PIAS2: variants seen among roughly 807,000 people sequenced by gnomAD.
PIAS2 encodes the protein E3 SUMO-protein ligase PIAS2.
PIAS2 carries 19 observed loss-of-function variants against 69.7 expected under a neutral mutation model. The observed-to-expected ratio is 0.27, with a 90% CI of 0.19 to 0.40. The LOEUF is 0.40. Ranked by LOEUF, PIAS2 falls within the 10% of genes least tolerant of loss-of-function variation. PIAS2 has a pLI of 1.00. For synonymous variants in PIAS2, 261 were observed against 263.2 expected (o/e 0.99, Z 0.08); for missense variants, 624 against 757.0 (o/e 0.82, Z 2.06).
At chr18:46,887,829 T>A (rs978839174) in intron 2 of PIAS2, among the ~76,000 whole-genome samples, 3 of 152,164 alleles carry the variant, frequency 2.0e-5, no homozygotes, top group Admixed American at 6.5e-5. Flanking sequence ...CAATCTGATT[T>A]CTACACCATA....
intron 9 of PIAS2, among the ~76,000 whole-genome samples, chr18:46,830,260 G>A (rs2043407599): frequency 6.6e-6 from 1 of 151,904 alleles, no homozygotes; most frequent in South Asian, 2.1e-4. Flanking sequence ...CGAGAAAAAA[G>A]GATAATGGGG....
chr18:46,891,651 T>C (rs2054098578), intron 1 of PIAS2: 5 of 958,998 alleles, frequency 5.2e-6, no homozygotes, highest in Non-Finnish European at 6.2e-6. Flanking sequence ...ACATCTTATT[T>C]AGCAGTCAAA....
chr18:46,908,019 A>G (rs1415044871), intron 1 of PIAS2: 2 of 152,154 alleles, frequency 1.3e-5, no homozygotes, highest in Non-Finnish European at 2.9e-5. Flanking sequence ...AGTGCTGGTA[A>G]TGTTCTCTTT....
At chr18:46,901,286 G>A (rs1598998087) in intron 1 of PIAS2, 1 of 379,612 alleles carries the variant, frequency 2.6e-6, no homozygotes, top group Non-Finnish European at 5.3e-6. Context: ...GCACATGCCT[G>A]TACTCCCAGC....
At chr18:46,863,353 G>A (rs996157618) in intron 3 of PIAS2, among the ~76,000 whole-genome samples, 2 of 151,892 alleles carry the variant, frequency 1.3e-5, no homozygotes, top group South Asian at 4.2e-4. Flanking sequence ...ATGGGGTCTC[G>A]CTTTGTTGCC....
Position 46,844,077 on chromosome 18 carries a change from G to A in PIAS2, c.1018C>T (p.Leu340Phe). Reference protein sequence around the residue: ...DPDSEIATTSLRVSLMCPLGK... With the variant: ...DPDSEIATTSFRVSLMCPLGK... ...ACAGGGCACATCAAGGATACCCGAA[G>A]GCTAGTTGTAGCAATTTCACTATCA... is the stretch of plus-strand genomic sequence containing the variant. The change falls in exon 8 of 14, where the codon CTT becomes TTT. Residue 340 changes from leucine (L) to phenylalanine (F), a missense_variant. By Grantham distance (22) the Leu-to-Phe change is conservative. This residue lies in a region of PIAS2 where 44 missense variants were observed against 90.9 expected (regional missense o/e 0.48). Coordinates refer to ENST00000585916, the MANE Select transcript of PIAS2 (RefSeq NM_004671.5). 6.5e-7 allele frequency: 1 copy of A among 1,537,644 alleles called. No homozygotes were observed. Among genetic ancestry groups the A allele is most frequent in the Non-Finnish European group, 8.7e-7 (1 of 1,143,776 alleles).
At chr18:46,869,022 T>A (rs887628725) in intron 2 of PIAS2, among the ~76,000 whole-genome samples, 3 of 152,206 alleles carry the variant, frequency 2.0e-5, no homozygotes, top group Non-Finnish European at 4.4e-5. Context: ...ACAAAGTATT[T>A]CCTTGGTGGT....
chr18:46,895,272 C>T lies in PIAS2; in HGVS notation c.25-4218G>A, dbSNP rs199985832. Among the ~76,000 whole-genome samples, 13 of 152,154 alleles carry T rather than the reference C, an allele frequency of 8.5e-5. No individual in the cohort carries two copies. In the East Asian group the frequency reaches 2.3e-3, roughly 27 times the overall value. On this transcript the variant is annotated intron_variant, in intron 1 of 13. Transcript: ENST00000585916. ...AAGGTCAATAAGAACTCTGTAGATT[C>T]CCCATCTGCTATGATGTATATAATA... is the stretch of plus-strand genomic sequence containing the variant.
chr18:46,906,779 G>GA (rs1201513389), intron 1 of PIAS2, among the ~76,000 whole-genome samples: 3 of 144,846 alleles, frequency 2.1e-5, no homozygotes, highest in Admixed American at 6.9e-5. Context: ...TGTGTGGGGG[G>GA]GGGGGGAGGT....
intron 11 of PIAS2, among the ~76,000 whole-genome samples, chr18:46,825,245 T>C (rs1001063895): frequency 6.6e-6 from 1 of 151,968 alleles, no homozygotes; most frequent in Non-Finnish European, 1.5e-5. Context: ...TAGGAGGGGA[T>C]CACAGAGATG....
At chr18:46,830,466 T>C (rs1479812220) in intron 9 of PIAS2, among the ~76,000 whole-genome samples, 2 of 152,058 alleles carry the variant, frequency 1.3e-5, no homozygotes, top group East Asian at 3.8e-4. Flanking sequence ...ATTTGTGGAC[T>C]GTATTATTTA....
intron 1 of PIAS2, among the ~76,000 whole-genome samples, chr18:46,913,931 G>C (rs1294747135): frequency 6.6e-6 from 1 of 152,194 alleles, no homozygotes; most frequent in African/African-American, 2.4e-5. Context: ...CAAAGCGCTG[G>C]AATTACAGGT....
In PIAS2 at chr18:46,812,213, T is replaced by G. The variant is rs890694851; in HGVS notation, c.*220A>C. 4 of 423,158 alleles carry G rather than the reference T, an allele frequency of 9.5e-6. No individual in the cohort carries two copies. The highest frequency in any genetic ancestry group is 1.7e-5 in the Non-Finnish European group (4 of 237,714). 26.2% of individuals were successfully genotyped at this position (423,158 alleles called of 1,614,324 possible). A position where few individuals can be genotyped will look rare whatever the true frequency, so the allele number is the denominator to read the frequency against. ...GAAGATACAGTTATGGTTGAATGTATCTGATGCTGAGAGTACAGCATAATT... is the reference window on the plus strand; with the variant it reads ...GAAGATACAGTTATGGTTGAATGTAGCTGATGCTGAGAGTACAGCATAATT... On this transcript the variant is annotated 3_prime_UTR_variant, in exon 14 of 14. Coordinates refer to ENST00000585916, the MANE Select transcript of PIAS2 (RefSeq NM_004671.5).
rs1235650760 is a variant in PIAS2, at chr18:46,917,315, C to G, written c.24+7G>C. 6.8e-7 allele frequency: 1 copy of G among 1,479,430 alleles called. No homozygotes were observed. Among genetic ancestry groups the G allele is most frequent in the Non-Finnish European group, 9.0e-7 (1 of 1,111,314 alleles). 91.6% of individuals were successfully genotyped at this position (1,479,430 alleles called of 1,614,324 possible). A position where few individuals can be genotyped will look rare whatever the true frequency, so the allele number is the denominator to read the frequency against. ...CCCCGCGGCCTCCGCTCTCCACTCCCGCTTACCCTCAACTCTTCGAAATCC... is the reference window on the plus strand; with the variant it reads ...CCCCGCGGCCTCCGCTCTCCACTCCGGCTTACCCTCAACTCTTCGAAATCC... On this transcript the variant is annotated splice_region_variant and intron_variant, in intron 1 of 13. Coordinates refer to ENST00000585916, the MANE Select transcript of PIAS2 (RefSeq NM_004671.5).
chr18:46,908,541 TAA>T (rs60447275), intron 1 of PIAS2, among the ~76,000 whole-genome samples: 12 of 149,272 alleles, frequency 8.0e-5, no homozygotes, highest in African/African-American at 2.9e-4. Context: ...TGAGAAAAGG[TAA>T]AAAAAAAACA....
intron 3 of PIAS2, among the ~76,000 whole-genome samples, chr18:46,860,380 T>C (rs1428857575): frequency 6.6e-6 from 1 of 152,210 alleles, no homozygotes; most frequent in African/African-American, 2.4e-5. Context: ...TCACTTTTTT[T>C]GGAAAGTAGT....
intron 8 of PIAS2, among the ~76,000 whole-genome samples, chr18:46,843,217 A>T (rs1248244481): frequency 6.6e-6 from 1 of 152,242 alleles, no homozygotes; most frequent in African/African-American, 2.4e-5. Flanking sequence ...AAAAGAACAT[A>T]CAGTAGAGAC....
chr18:46,816,160 C>A, intron 12 of PIAS2: 1 of 985,200 alleles, frequency 1.0e-6, no homozygotes. Context: ...GTCATTAAGA[C>A]AGGCCAATTT....
At chr18:46,875,472 G>C (rs368325377) in intron 2 of PIAS2, among the ~76,000 whole-genome samples, 5 of 152,234 alleles carry the variant, frequency 3.3e-5, no homozygotes, top group African/African-American at 1.2e-4. Flanking sequence ...CTCCATATTC[G>C]AATGGTATGG....
Sources: allele counts gnomAD v4.1 joint callset (sites outside exome capture counted in the v4.1 genomes callset), GRCh38; gene constraint gnomAD v4.1.1; regional missense constraint gnomAD v4.1.1; transcripts MANE v1.5; gene names NCBI Gene and HGNC (gene_info 2026-07-23, HGNC 2026-07-21).